Variants in COL22A1 observed in about 807,000 individuals in gnomAD.
COL22A1 encodes the protein collagen alpha-1(XXII) chain.
Under a neutral mutation model 248.9 loss-of-function variants are expected in COL22A1, and 221 were observed. The ratio of observed to expected loss-of-function variants is 0.89; its 90% CI spans 0.80 to 0.99. COL22A1 has a LOEUF of 0.99. COL22A1 is among the 50% of genes least tolerant of loss of function. The pLI is 0.00. For synonymous variants in COL22A1, 891 were observed against 793.4 expected (o/e 1.12, Z -2.07); for missense variants, 2,240 against 2,179.0 (o/e 1.03, Z -0.56).
Position 138,694,799 on chromosome 8 carries a change from C to T in COL22A1, c.2646+27G>A, listed in dbSNP as rs137966383. The T allele has an allele frequency of 2.7e-4, 431 of 1,611,822 alleles. 1 individual carries two copies. The African/African-American group carries it at 4.2e-3, about 16-fold the overall frequency. ...CCGGGTCTCCAGGTAACCAGCCCTG[C>T]GGGGGAAGGGGACACAAGAGACTCA... On this transcript the variant is annotated intron_variant, in intron 33 of 64. Coordinates refer to ENST00000303045, the MANE Select transcript of COL22A1 (RefSeq NM_152888.3).
At chr8:138,647,093 GC>G (rs1822268280) in intron 46 of COL22A1, among the ~76,000 whole-genome samples, 1 of 151,864 alleles carries the variant, frequency 6.6e-6, no homozygotes, top group South Asian at 2.1e-4. Context: ...ACCATCCCCC[GC>G]CCCCCACCTT....
chr8:138,682,489 C>T (rs1268713219), intron 39 of COL22A1, among the ~76,000 whole-genome samples: 1 of 152,186 alleles, frequency 6.6e-6, no homozygotes, highest in Non-Finnish European at 1.5e-5. Flanking sequence ...TCAAGTCAGT[C>T]ATTGACTGTT....
intron 25 of COL22A1, among the ~76,000 whole-genome samples, chr8:138,723,811 T>C (rs577359377): frequency 6.6e-6 from 1 of 152,316 alleles, no homozygotes; most frequent in African/African-American, 2.4e-5. Context: ...GACGCTGGTG[T>C]TACCACGACC....
At chr8:138,693,962 A>G (rs975051092) in intron 34 of COL22A1, among the ~76,000 whole-genome samples, 3 of 152,138 alleles carry the variant, frequency 2.0e-5, no homozygotes, top group Non-Finnish European at 4.4e-5. Context: ...AATGTAGCTC[A>G]GAGGGGCTCA....
intron 46 of COL22A1, among the ~76,000 whole-genome samples, chr8:138,648,014 T>A (rs769127712): frequency 3.3e-4 from 50 of 152,226 alleles, no homozygotes; most frequent in Non-Finnish European, 7.3e-5. Context: ...ATTAAGGCAA[T>A]GGGAAAGACC....
At chr8:138,838,952 G>A (rs944397885) in intron 4 of COL22A1, among the ~76,000 whole-genome samples, 1 of 152,072 alleles carries the variant, frequency 6.6e-6, no homozygotes, top group Non-Finnish European at 1.5e-5. Context: ...GACCTGGATG[G>A]AACTTTGCTG....
chr8:138,753,791 G>C (rs192858221), intron 21 of COL22A1, among the ~76,000 whole-genome samples: 20 of 152,264 alleles, frequency 1.3e-4, no homozygotes, highest in Non-Finnish European at 5.9e-5. Context: ...CAAAATCTAG[G>C]TAAAGGGTGA....
At chr8:138,693,896 C>T (rs1173702422) in intron 34 of COL22A1, among the ~76,000 whole-genome samples, 197 bp from the exon 35 acceptor site, 1 of 152,110 alleles carries the variant, frequency 6.6e-6, no homozygotes, top group Admixed American at 6.5e-5. Flanking sequence ...ATCGCGATTT[C>T]ATTCCATCCT....
At chr8:138,644,871 A>G (rs1031184868) in intron 47 of COL22A1, among the ~76,000 whole-genome samples, 2 of 152,096 alleles carry the variant, frequency 1.3e-5, no homozygotes, top group Non-Finnish European at 2.9e-5. Context: ...GCTGGAGGCT[A>G]TGCTTCCCAG....
In COL22A1 at chr8:138,700,210, CCTGCCTTGG is replaced by C. The variant is rs1284741222; in HGVS notation, c.2560-75_2560-67del. ...GGAACCCAGTGTTTCATTTTTAAAA[CCTGCCTTGG>C]AGAGATTTACAAGTGAAAGAATACA... is the stretch of plus-strand genomic sequence containing the variant. On this transcript the variant is annotated intron_variant, in intron 31 of 64. Coordinates refer to ENST00000303045, the MANE Select transcript of COL22A1 (RefSeq NM_152888.3). The C allele has an allele frequency of 6.0e-6, 9 of 1,500,858 alleles. No individual in the cohort carries two copies. The Admixed American group carries it at 7.1e-5, about 12-fold the overall frequency. 93.0% of individuals were successfully genotyped at this position (1,500,858 alleles called of 1,614,324 possible).
chr8:138,639,028 A>G (rs1238671176), intron 47 of COL22A1, among the ~76,000 whole-genome samples: 1 of 152,084 alleles, frequency 6.6e-6, no homozygotes, highest in African/African-American at 2.4e-5. Flanking sequence ...CAGAGCCCCG[A>G]CTCTTCCAGG....
intron 7 of COL22A1, among the ~76,000 whole-genome samples, chr8:138,818,550 C>T (rs918964582): frequency 1.3e-5 from 2 of 152,180 alleles, no homozygotes; most frequent in African/African-American, 2.4e-5. Context: ...GGAAGACGGG[C>T]TGCGTGAGTG....
At chr8:138,908,736 G>T (rs1447562043) in intron 1 of COL22A1, among the ~76,000 whole-genome samples, 1 of 152,076 alleles carries the variant, frequency 6.6e-6, no homozygotes, top group Admixed American at 6.6e-5. Context: ...ATGGGGTCAG[G>T]GGGCATATTA....
At chr8:138,805,321 GTGA>G (rs1817427711) in intron 10 of COL22A1, among the ~76,000 whole-genome samples, 1 of 149,376 alleles carries the variant, frequency 6.7e-6, no homozygotes, top group Admixed American at 6.7e-5. Context: ...TGGTGTGTGT[GTGA>G]TGGTGTGGCT....
Position 138,627,084 on chromosome 8 carries a change from C to T in COL22A1, c.3664-841G>A, listed in dbSNP as rs150604877. 1.9e-3 allele frequency among the ~76,000 whole-genome samples: 289 copies of T among 152,160 alleles called. 3 individuals carry two copies. The East Asian group carries it at 0.044, about 23-fold the overall frequency. The stretch of plus-strand genomic sequence containing the variant: ...AGGTATTCTTAAGGTTTAGGCAATG[C>T]GCAATAATAACCAGGATAAAACAAA... On this transcript the variant is annotated intron_variant, in intron 50 of 64. Coordinates refer to ENST00000303045, the MANE Select transcript of COL22A1 (RefSeq NM_152888.3).
Position 138,767,895 on chromosome 8 carries a change from G to A in COL22A1, c.1804-5429C>T, listed in dbSNP as rs577512481. ...CACATTCAGTGTGGGAGGGAGACAC[G>A]TGGTGTCTTTCTTCTCCTTCTCCCT... On this transcript the variant is annotated intron_variant, in intron 16 of 64. Transcript: ENST00000303045. 3.3e-5 allele frequency among the ~76,000 whole-genome samples: 5 copies of A among 152,348 alleles called. No homozygotes were observed. In the East Asian group the frequency reaches 7.7e-4, roughly 24 times the overall value.
intron 32 of COL22A1, among the ~76,000 whole-genome samples, chr8:138,697,761 AG>A (rs1827625071): frequency 6.6e-6 from 1 of 152,232 alleles, no homozygotes; most frequent in Admixed American, 6.5e-5. Flanking sequence ...AGGGGCTCAA[AG>A]GCATGTGCCT....
At chr8:138,835,558 G>A (rs184802117) in intron 4 of COL22A1, among the ~76,000 whole-genome samples, 2 of 152,268 alleles carry the variant, frequency 1.3e-5, no homozygotes, top group East Asian at 3.9e-4. Flanking sequence ...TGAAGACAGG[G>A]CCCAGCTTGC....
At chr8:138,594,585 G>A (rs1017544249) in intron 62 of COL22A1, among the ~76,000 whole-genome samples, 4 of 152,114 alleles carry the variant, frequency 2.6e-5, no homozygotes, top group Admixed American at 6.5e-5. Context: ...CCCTTTCTAC[G>A]CAATGGAGAC....
Sources: allele counts gnomAD v4.1 joint callset (sites outside exome capture counted in the v4.1 genomes callset), GRCh38; gene constraint gnomAD v4.1.1; transcripts MANE v1.5; gene names NCBI Gene and HGNC (gene_info 2026-07-23, HGNC 2026-07-21).